The following TSHR variants were observed in gnomAD, a reference collection of about 807,000 sequenced individuals.
The protein encoded by TSHR is thyroid stimulating hormone receptor.
In TSHR, 51 loss-of-function variants were observed where a neutral mutation model predicts 64.1. That is an observed-to-expected ratio of 0.80 (90% CI 0.64 to 1.01). The LOEUF is 1.01. Ranked by LOEUF, TSHR falls within the 50% of genes least tolerant of loss-of-function variation. TSHR has a pLI of 0.00. For missense variants in TSHR, 877 were observed against 942.8 expected (o/e 0.93, Z 0.91); for synonymous variants, 361 against 361.9 (o/e 1.00, Z 0.03).
At chr14:80,985,320 A>G (rs1888386775) in intron 1 of TSHR, among the ~76,000 whole-genome samples, 1 of 152,198 alleles carries the variant, frequency 6.6e-6, no homozygotes, top group African/African-American at 2.4e-5. Context: ...AATTTTTTTT[A>G]TCATTTGTGA....
intron 1 of TSHR, among the ~76,000 whole-genome samples, chr14:80,977,512 G>A (rs1402981947): frequency 1.3e-5 from 2 of 152,338 alleles, no homozygotes; most frequent in East Asian, 1.9e-4. Flanking sequence ...GGGCTCAGTA[G>A]CACCCCAAGA....
intron 3 of TSHR, among the ~76,000 whole-genome samples, chr14:81,071,649 T>A (rs1887077740): frequency 2.6e-5 from 4 of 152,056 alleles, no homozygotes; most frequent in Admixed American, 2.6e-4. Context: ...TGGTCCCAGC[T>A]ACATGGGAGG....
intron 3 of TSHR, among the ~76,000 whole-genome samples, chr14:81,075,737 C>T (rs8018879): frequency 0.046 from 6,804 of 148,880 alleles, 431 homozygotes; most frequent in African/African-American, 0.16. Flanking sequence ...GTCAGTGTGG[C>T]GATTCCTCAG....
chr14:81,143,937 G>C lies in TSHR; in HGVS notation c.1879G>C (p.Ala627Pro). The change falls in exon 10 of 10, where the codon GCT (alanine) becomes CCT (proline). Residue 627 changes from alanine (A) to proline (P), a missense_variant. By Grantham distance (27) the Ala-to-Pro change is conservative (BLOSUM62 -1). Coordinates refer to ENST00000298171, the MANE Select transcript of TSHR (RefSeq NM_000369.5). ...AGATACCAAAATTGCCAAGAGGATG[G>C]CTGTGTTGATCTTCACCGACTTCAT... ...DKDTKIAKRM[A>P]VLIFTDFICM... 6.2e-7 allele frequency: 1 copy of C among 1,614,190 alleles called. No individual in the cohort carries two copies. The highest frequency in any genetic ancestry group is 1.1e-5 in the South Asian group (1 of 91,076).
chr14:81,105,072 A>T, intron 7 of TSHR: 1 of 985,340 alleles, frequency 1.0e-6, no homozygotes, highest in Non-Finnish European at 1.2e-6. Flanking sequence ...TTCTCCTTGC[A>T]AGGGATAGTT....
intron 1 of TSHR, chr14:81,013,143 T>G (rs1050559898): frequency 1.3e-5 from 2 of 152,210 alleles, no homozygotes; most frequent in African/African-American, 4.8e-5. Flanking sequence ...GGGATCCAGT[T>G]TCAGCTTTCT....
chr14:81,071,262 T>A (rs1025047923), intron 3 of TSHR, among the ~76,000 whole-genome samples: 7 of 152,200 alleles, frequency 4.6e-5, no homozygotes, highest in Admixed American at 2.6e-4. Context: ...AGAAGTAAAA[T>A]GCTTTATTGC....
At position 81,143,168 on chromosome 14, in the gene TSHR, C is replaced by T; in HGVS notation, c.1110C>T (p.Leu370=). The change falls in exon 10 of 10, where the codon CTC becomes CTT. Residue 370 remains leucine (L), a synonymous_variant. Coordinates refer to ENST00000298171, the MANE Select transcript of TSHR (RefSeq NM_000369.5). Reference sequence around the variant, plus strand: ...AGATCATTGGTTTTGGCCAGGAGCTCAAAAACCCCCAGGAAGAGACTCTAC... The same window carrying T: ...AGATCATTGGTTTTGGCCAGGAGCTTAAAAACCCCCAGGAAGAGACTCTAC... ...EDEIIGFGQE[L]KNPQEETLQA... 6.2e-7 allele frequency: 1 copy of T among 1,614,076 alleles called. No homozygotes were observed. The highest frequency in any genetic ancestry group is 8.5e-7 in the Non-Finnish European group (1 of 1,180,006).
chr14:81,050,498 T>A (rs755023756), intron 1 of TSHR: 7 of 152,070 alleles, frequency 4.6e-5, no homozygotes, highest in Non-Finnish European at 8.8e-5. Context: ...ACAGTTGTAT[T>A]TCTCATCATC....
chr14:81,090,747 T>TCACA (rs374517515), intron 4 of TSHR, among the ~76,000 whole-genome samples: 1 of 151,276 alleles, frequency 6.6e-6, no homozygotes, highest in African/African-American at 2.4e-5. Flanking sequence ...AACGAGAAAA[T>TCACA]CACACACACA....
At chr14:81,051,412 G>A (rs1885426358) in intron 1 of TSHR, 1 of 151,942 alleles carries the variant, frequency 6.6e-6, no homozygotes, top group Admixed American at 6.6e-5. Context: ...CTTCTCCCAT[G>A]GATTACAAAT....
At chr14:81,090,583 C>T (rs1595091197) in intron 4 of TSHR, among the ~76,000 whole-genome samples, 1 of 123,390 alleles carries the variant, frequency 8.1e-6, no homozygotes, top group South Asian at 2.3e-4. Context: ...TAATGGTACT[C>T]TCAGGTCACT....
At chr14:81,112,432 A>G (rs1370186840) in intron 8 of TSHR, among the ~76,000 whole-genome samples, 1 of 151,798 alleles carries the variant, frequency 6.6e-6, no homozygotes, top group African/African-American at 2.4e-5. Flanking sequence ...TTTTTCCTCT[A>G]TATCTTCTCC....
Position 81,000,748 on chromosome 14 carries a change from C to T in TSHR, c.170+44898C>T, listed in dbSNP as rs560790666. Among the ~76,000 whole-genome samples the T allele has an allele frequency of 2.4e-4, 37 of 152,028 alleles. No homozygotes were observed. The South Asian group carries it at 6.4e-3, about 26-fold the overall frequency. On this transcript the variant is annotated intron_variant, in intron 1 of 9. Coordinates refer to ENST00000298171, the MANE Select transcript of TSHR (RefSeq NM_000369.5). ...GTTTCACTTATCCCTTAAGCACTCTCCAATGCTTTAACAGTTTTCTAAGGT... is the reference window on the plus strand; with the variant it reads ...GTTTCACTTATCCCTTAAGCACTCTTCAATGCTTTAACAGTTTTCTAAGGT...
intron 7 of TSHR, among the ~76,000 whole-genome samples, chr14:81,097,107 A>C (rs1298466788): frequency 6.6e-6 from 1 of 152,226 alleles, no homozygotes; most frequent in Non-Finnish European, 1.5e-5. Context: ...ATAGCTAAAA[A>C]ATCATATCCA....
chr14:81,104,603 C>G, intron 7 of TSHR: 3 of 985,354 alleles, frequency 3.0e-6, no homozygotes, highest in Non-Finnish European at 3.6e-6. Flanking sequence ...ACTGAATGGC[C>G]GCTATGTGCC....
intron 7 of TSHR, among the ~76,000 whole-genome samples, chr14:81,100,766 A>C (rs1889527856): frequency 1.3e-5 from 2 of 152,204 alleles, no homozygotes; most frequent in Admixed American, 1.3e-4. Context: ...GGTAGGAAGG[A>C]GTGCAGAGCT....
rs543120387 is a variant in TSHR, at chr14:81,126,291, T to C, written c.693-13388T>C. Among the ~76,000 whole-genome samples, 7 of 152,306 alleles carry C rather than the reference T, an allele frequency of 4.6e-5. No homozygotes were observed. The East Asian group carries it at 1.2e-3, about 25-fold the overall frequency. Reference sequence around the variant, plus strand: ...AGATCCTCAAAATCATACAAACCTTTGTAGCTCTTCAACTGACTAACAGTG... The same window carrying C: ...AGATCCTCAAAATCATACAAACCTTCGTAGCTCTTCAACTGACTAACAGTG... On this transcript the variant is annotated intron_variant, in intron 8 of 9. Transcript: ENST00000298171.
intron 8 of TSHR, among the ~76,000 whole-genome samples, chr14:81,120,330 C>T (rs8020969): frequency 0.31 from 46,544 of 151,942 alleles, 8,032 homozygotes; most frequent in East Asian, 0.53. Flanking sequence ...AGCAGACCTT[C>T]GAGGAAATCC....
Sources: gnomAD v4.1 joint callset for allele counts (sites outside exome capture counted in the v4.1 genomes callset) on GRCh38, gnomAD v4.1.1 for gene constraint, MANE v1.5 for transcripts, NCBI Gene and HGNC (gene_info 2026-07-23, HGNC 2026-07-21) for gene names.